ALCAM: variants seen among roughly 807,000 people sequenced by gnomAD.
ALCAM encodes the protein activated leukocyte cell adhesion molecule.
In ALCAM, 30 loss-of-function variants were observed where a neutral mutation model predicts 70.9. The observed-to-expected ratio is 0.42, with a 90% CI of 0.32 to 0.57. ALCAM has a LOEUF of 0.57. Among genes scored for constraint, ALCAM ranks in the 20% least tolerant of loss-of-function variants. ALCAM has a pLI of 0.11. For missense variants in ALCAM, 591 were observed against 695.1 expected (o/e 0.85, Z 1.68); for synonymous variants, 249 against 242.5 (o/e 1.03, Z -0.25).
chr3:105,470,425 G>A (rs1341914081), intron 1 of ALCAM, among the ~76,000 whole-genome samples: 5 of 151,248 alleles, frequency 3.3e-5, no homozygotes, highest in African/African-American at 1.2e-4. Context: ...TCAAGCAATG[G>A]CTTAATTAAT....
At chr3:105,468,053 G>T (rs1448843486) in intron 1 of ALCAM, among the ~76,000 whole-genome samples, 1 of 151,238 alleles carries the variant, frequency 6.6e-6, no homozygotes, top group Non-Finnish European at 1.5e-5. Context: ...GGTGTGGGAT[G>T]AAGGCAATAA....
chr3:105,468,496 T>C (rs1327599633), intron 1 of ALCAM, among the ~76,000 whole-genome samples: 1 of 151,286 alleles, frequency 6.6e-6, no homozygotes. Context: ...TAAAAGAATA[T>C]AGAATATGCA....
rs1207508116 is a variant in ALCAM at position 105,550,821 on chromosome 3, GA to G, written c.1507+563del. 1.2e-4 allele frequency among the ~76,000 whole-genome samples: 18 copies of G among 151,704 alleles called. No homozygotes were observed. The East Asian group carries it at 3.1e-3, about 26-fold the overall frequency. ...ATATTTAAACTATAGCCGAAAATCA[GA>G]TAAGTGAAACTATCTCAGAGAATGT... is the stretch of plus-strand genomic sequence containing the variant. On this transcript the variant is annotated intron_variant, in intron 12 of 15. Transcript: ENST00000306107.
intron 11 of ALCAM, among the ~76,000 whole-genome samples, chr3:105,549,384 G>C (rs895041493): frequency 6.6e-6 from 1 of 151,510 alleles, no homozygotes; most frequent in African/African-American, 2.4e-5. Context: ...CCATGTAGTT[G>C]AGGAGAAAGC....
Position 105,562,868 on chromosome 3 carries a change from C to T in ALCAM, c.1665-8984C>T, listed in dbSNP as rs939565408. On this transcript the variant is annotated intron_variant, in intron 14 of 15. Coordinates refer to ENST00000306107, the MANE Select transcript of ALCAM (RefSeq NM_001627.4). ...TTGCCCAGGCTGGAGCGCAATGTCA[C>T]GATCTCAGCTCACTGCAACCTCCGC... 2.6e-5 allele frequency among the ~76,000 whole-genome samples: 4 copies of T among 152,120 alleles called. No individual in the cohort carries two copies. The South Asian group carries it at 8.3e-4, about 31-fold the overall frequency.
At chr3:105,401,942 A>G (rs576546844) in intron 1 of ALCAM, among the ~76,000 whole-genome samples, 1 of 152,228 alleles carries the variant, frequency 6.6e-6, no homozygotes, top group African/African-American at 2.4e-5. Flanking sequence ...TAAAAGCTTT[A>G]GAAGTGATTC....
At chr3:105,427,878 A>C (rs1936831138) in intron 1 of ALCAM, among the ~76,000 whole-genome samples, 1 of 151,990 alleles carries the variant, frequency 6.6e-6, no homozygotes, top group Non-Finnish European at 1.5e-5. Flanking sequence ...TTTAAATGAT[A>C]CACAGAGAAA....
chr3:105,397,833 A>G lies in ALCAM; in HGVS notation c.73+30352A>G, dbSNP rs1214344840. 3.3e-5 allele frequency among the ~76,000 whole-genome samples: 5 copies of G among 152,126 alleles called. No homozygotes were observed. In the East Asian group the frequency reaches 9.7e-4, roughly 29 times the overall value. Reference sequence around the variant, plus strand: ...AATTATTTATTTGACAACACTAAAAATATGTAAAATAATGCTTTAGAATAT... The same window carrying G: ...AATTATTTATTTGACAACACTAAAAGTATGTAAAATAATGCTTTAGAATAT... On this transcript the variant is annotated intron_variant, in intron 1 of 15. Transcript: ENST00000306107.
intron 1 of ALCAM, among the ~76,000 whole-genome samples, chr3:105,488,233 A>G (rs1052287978): frequency 6.6e-6 from 1 of 152,102 alleles, no homozygotes; most frequent in East Asian, 1.9e-4. Flanking sequence ...TGCTGGGTCC[A>G]TGTTTCTTAT....
intron 1 of ALCAM, among the ~76,000 whole-genome samples, chr3:105,494,280 T>C (rs541072443): frequency 1.3e-5 from 2 of 152,336 alleles, no homozygotes; most frequent in East Asian, 3.9e-4. Context: ...ATGTTCAGTA[T>C]AAAGTCATCA....
Position 105,575,910 on chromosome 3 carries a change from C to T in ALCAM, c.*1459C>T, listed in dbSNP as rs983459063. ...CTCATGAAATAAAAAATTATGAAGG[C>T]AATGAAAAATAAATTGAAAATTAAA... On this transcript the variant is annotated 3_prime_UTR_variant, in exon 16 of 16. Transcript: ENST00000306107. The T allele has an allele frequency of 2.6e-5, 4 of 151,874 alleles. No homozygotes were observed. In the East Asian group the frequency reaches 7.7e-4, roughly 29 times the overall value. The allele number at this position is 151,874 out of a possible 1,614,324, so 9.4% of individuals were successfully genotyped here.
intron 1 of ALCAM, among the ~76,000 whole-genome samples, chr3:105,478,131 A>G (rs1938171575): frequency 6.6e-6 from 1 of 151,886 alleles, no homozygotes; most frequent in Non-Finnish European, 1.5e-5. Flanking sequence ...TTTTTATCGT[A>G]TCCTTGACAT....
At chr3:105,437,102 T>G (rs1386630782) in intron 1 of ALCAM, among the ~76,000 whole-genome samples, 5 of 152,210 alleles carry the variant, frequency 3.3e-5, no homozygotes, top group Admixed American at 6.5e-5. Flanking sequence ...GTGTATATGT[T>G]GACCTCTGGC....
chr3:105,407,090 A>G, intron 1 of ALCAM, among the ~76,000 whole-genome samples: 1 of 152,188 alleles, frequency 6.6e-6, no homozygotes, highest in East Asian at 1.9e-4. Context: ...AAAAAAGTCC[A>G]GGACCAGATG....
At chr3:105,404,116 T>C (rs967761790) in intron 1 of ALCAM, among the ~76,000 whole-genome samples, 1 of 151,838 alleles carries the variant, frequency 6.6e-6, no homozygotes, top group African/African-American at 2.4e-5. Context: ...CTAAGAATAA[T>C]TGGTGATCCT....
At chr3:105,454,644 T>C (rs946935325) in intron 1 of ALCAM, among the ~76,000 whole-genome samples, 2 of 145,936 alleles carry the variant, frequency 1.4e-5, no homozygotes, top group Non-Finnish European at 3.0e-5. Context: ...ACATAGTAGA[T>C]GCTCATTAAT....
chr3:105,426,072 T>C (rs1319019257), intron 1 of ALCAM, among the ~76,000 whole-genome samples: 3 of 151,880 alleles, frequency 2.0e-5, no homozygotes. Context: ...ATGTTTCACA[T>C]GTTAAAGTTG....
intron 1 of ALCAM, among the ~76,000 whole-genome samples, chr3:105,498,853 T>G (rs1429791817): frequency 2.0e-5 from 3 of 152,234 alleles, no homozygotes; most frequent in Admixed American, 2.0e-4. Context: ...GAATGCAATA[T>G]GAGATATTGT....
intron 1 of ALCAM, among the ~76,000 whole-genome samples, chr3:105,421,276 CAT>C (rs1936645675): frequency 6.6e-6 from 1 of 151,264 alleles, no homozygotes; most frequent in Admixed American, 6.6e-5. Context: ...AAGAGGGAAA[CAT>C]ATAGAAATGA....
Sources: gnomAD v4.1 joint callset for allele counts (sites outside exome capture counted in the v4.1 genomes callset) on GRCh38, gnomAD v4.1.1 for gene constraint, MANE v1.5 for transcripts, NCBI Gene and HGNC (gene_info 2026-07-23, HGNC 2026-07-21) for gene names.